SKAP2: variants seen among roughly 807,000 people sequenced by gnomAD.
SKAP2 encodes src kinase-associated phosphoprotein 2.
SKAP2 carries 28 observed loss-of-function variants against 54.9 expected under a neutral mutation model. The observed-to-expected ratio is 0.51, with a 90% confidence interval of 0.38 to 0.70. The LOEUF is 0.70. SKAP2 is among the 30% of genes least tolerant of loss of function. SKAP2 has a pLI of 0.00. For synonymous variants in SKAP2, 137 were observed against 134.3 expected (o/e 1.02, Z -0.14); for missense variants, 356 against 424.1 (o/e 0.84, Z 1.41).
chr7:26,744,489 G>A (rs570398166), intron 4 of SKAP2, among the ~76,000 whole-genome samples: 1 of 152,226 alleles, frequency 6.6e-6, no homozygotes, highest in South Asian at 2.1e-4. Context: ...CAGCACGCAA[G>A]TCCCTTGAGT....
intron 4 of SKAP2, among the ~76,000 whole-genome samples, chr7:26,786,757 T>C (rs946083176): frequency 6.6e-6 from 1 of 152,254 alleles, no homozygotes; most frequent in Admixed American, 6.5e-5. Context: ...ACATACATTC[T>C]GTACAAACTG....
chr7:26,855,987 A>C (rs1785154208), intron 1 of SKAP2, among the ~76,000 whole-genome samples: 1 of 152,138 alleles, frequency 6.6e-6, no homozygotes, highest in Non-Finnish European at 1.5e-5. Flanking sequence ...GTAGTATAAT[A>C]ATCTAATAAT....
intron 4 of SKAP2, among the ~76,000 whole-genome samples, chr7:26,832,564 G>A (rs546217661): frequency 6.6e-6 from 1 of 152,246 alleles, no homozygotes; most frequent in East Asian, 1.9e-4. Flanking sequence ...GCTGGTGCAT[G>A]CCTGTAGTCT....
intron 10 of SKAP2, among the ~76,000 whole-genome samples, chr7:26,687,236 G>A (rs905094603): frequency 6.7e-5 from 10 of 150,062 alleles, no homozygotes; most frequent in Non-Finnish European, 1.0e-4. Context: ...GACCCCCACC[G>A]TGTGCAAGAT....
At chr7:26,830,159 T>A (rs1784569784) in intron 4 of SKAP2, among the ~76,000 whole-genome samples, 1 of 152,200 alleles carries the variant, frequency 6.6e-6, no homozygotes, top group African/African-American at 2.4e-5. Flanking sequence ...TATGATTCCA[T>A]TTATATGAAA....
chr7:26,746,812 G>A (rs577704739), intron 4 of SKAP2: 1 of 152,078 alleles, frequency 6.6e-6, no homozygotes, highest in African/African-American at 2.4e-5. Context: ...TTAGATTGAA[G>A]TTTCAATTAT....
intron 4 of SKAP2, among the ~76,000 whole-genome samples, chr7:26,843,563 C>G (rs951225545): frequency 1.3e-5 from 2 of 151,938 alleles, no homozygotes; most frequent in Admixed American, 1.3e-4. Context: ...TTAAAAGAAG[C>G]ATTTGATAAA....
intron 6 of SKAP2, among the ~76,000 whole-genome samples, chr7:26,734,534 G>A (rs1353473299): frequency 2.6e-5 from 4 of 152,028 alleles, no homozygotes. Context: ...CCCTGTCTTA[G>A]TCTGTTTATG....
At chr7:26,714,482 ATTAAG>A (rs201143151) in intron 9 of SKAP2, among the ~76,000 whole-genome samples, 1 of 152,146 alleles carries the variant, frequency 6.6e-6, no homozygotes, top group Non-Finnish European at 1.5e-5. Flanking sequence ...CTTAAGCTTG[ATTAAG>A]TTAAATTGGA....
At chr7:26,785,108 T>C (rs1783513811) in intron 4 of SKAP2, among the ~76,000 whole-genome samples, 2 of 152,172 alleles carry the variant, frequency 1.3e-5, no homozygotes, top group African/African-American at 4.8e-5. Context: ...TTACCTTCAT[T>C]AAAAACCTAC....
intron 9 of SKAP2, among the ~76,000 whole-genome samples, chr7:26,709,568 C>G (rs1193678824): frequency 6.6e-6 from 1 of 152,158 alleles, no homozygotes; most frequent in Admixed American, 6.5e-5. Context: ...GATTCTTAAA[C>G]CTTGTTTCAC....
intron 4 of SKAP2, among the ~76,000 whole-genome samples, chr7:26,810,500 A>G (rs1003825962): frequency 1.3e-5 from 2 of 152,180 alleles, no homozygotes; most frequent in African/African-American, 2.4e-5. Flanking sequence ...TCTATTGTAC[A>G]TCACGGTGAC....
intron 4 of SKAP2, among the ~76,000 whole-genome samples, chr7:26,802,774 G>T (rs767633357): frequency 6.6e-6 from 1 of 152,104 alleles, no homozygotes; most frequent in Non-Finnish European, 1.5e-5. Flanking sequence ...CCAGCTACTC[G>T]GGAGGGTGAG....
chr7:26,731,745 C>T (rs553864590), intron 6 of SKAP2, among the ~76,000 whole-genome samples: 1 of 152,194 alleles, frequency 6.6e-6, no homozygotes, highest in East Asian at 1.9e-4. Context: ...CAATAAATGG[C>T]ACCTCCATTA....
downstream of SKAP2, among the ~76,000 whole-genome samples, chr7:26,663,407 C>T (rs149450367): frequency 1.5e-3 from 225 of 152,184 alleles, 1 homozygote; most frequent in African/African-American, 5.2e-3. Flanking sequence ...GTTCAAAAAA[C>T]ACAACAGAAG....
chr7:26,822,298 A>T (rs932769601), intron 4 of SKAP2, among the ~76,000 whole-genome samples: 2 of 152,182 alleles, frequency 1.3e-5, no homozygotes, highest in African/African-American at 4.8e-5. Flanking sequence ...TCAATTGCAC[A>T]TGCTCACTTT....
At chr7:26,845,032 G>C (rs1446372561) in intron 3 of SKAP2, among the ~76,000 whole-genome samples, 2 of 152,058 alleles carry the variant, frequency 1.3e-5, no homozygotes, top group African/African-American at 4.8e-5. Flanking sequence ...TTGTCACCCG[G>C]ATTTCACAAC....
In SKAP2 at chr7:26,833,397, C is replaced by CAAAAAAAAAA. The variant is rs1218013639; in HGVS notation, c.307+10623_307+10632dup. On this transcript the variant is annotated intron_variant, in intron 4 of 12. Transcript: ENST00000345317. Reference sequence around the variant, plus strand: ...GGTGACAAAGAGCAAGACTCCGTCTCAAAAAAAAAAAAAAAAGACACAGAC... The same window carrying CAAAAAAAAAA: ...GGTGACAAAGAGCAAGACTCCGTCTCAAAAAAAAAAAAAAAAAAAAAAAAAAGACACAGAC... Among the ~76,000 whole-genome samples, 58 of 84,982 alleles carry CAAAAAAAAAA rather than the reference C, an allele frequency of 6.8e-4. 1 individual carries two copies. The highest frequency in any genetic ancestry group is 7.9e-3 in the Middle Eastern group (1 of 126). The allele number at this position is 84,982 out of a possible 152,430, so 55.8% of individuals were successfully genotyped here.
chr7:26,739,860 C>T, intron 5 of SKAP2, 27 bp downstream of exon 5: 1 of 1,514,274 alleles, frequency 6.6e-7, no homozygotes, highest in Non-Finnish European at 9.1e-7. Flanking sequence ...ATTATTTTTA[C>T]ATTTTTCATT....
Sources: gnomAD v4.1 joint callset for allele counts (sites outside exome capture counted in the v4.1 genomes callset) on GRCh38, gnomAD v4.1.1 for gene constraint, MANE v1.5 for transcripts, NCBI Gene and HGNC (gene_info 2026-07-23, HGNC 2026-07-21) for gene names.